The following ASIP variants were observed in gnomAD, a reference collection of about 807,000 sequenced individuals.
ASIP encodes agouti signaling protein.
Under a neutral mutation model 10.3 loss-of-function variants are expected in ASIP, and 11 were observed. That is an observed-to-expected ratio of 1.07 (90% CI 0.68 to 1.78). ASIP has a LOEUF of 1.78. Among genes scored for constraint, ASIP ranks in the 40% most tolerant of loss-of-function variants. ASIP has a pLI of 0.00. For synonymous variants in ASIP, 70 were observed against 70.8 expected (o/e 0.99, Z 0.06); for missense variants, 180 against 169.2 (o/e 1.06, Z -0.35).
At chr20:34,247,349 G>T (rs151181315) in intron 1 of ASIP, among the ~76,000 whole-genome samples, 1,747 of 146,616 alleles carry the variant, frequency 0.012, 27 homozygotes, top group African/African-American at 0.042. Context: ...TGCCCAGGCT[G>T]GAGTGCAATG....
intron 1 of ASIP, among the ~76,000 whole-genome samples, chr20:34,217,394 C>G (rs1167803948): frequency 6.6e-6 from 1 of 150,954 alleles, no homozygotes; most frequent in East Asian, 2.0e-4. Context: ...GCCGACATCT[C>G]GCCACTGCAC....
At position 34,268,975 on chromosome 20, in the gene ASIP, G is replaced by C; in HGVS notation, c.223-16G>C. Reference sequence around the variant, plus strand: ...GGGCGTGGCCGGCTCATAAAGCCCCGGCGTTTCCCACGCAGAAGGAGGCTT... The same window carrying C: ...GGGCGTGGCCGGCTCATAAAGCCCCCGCGTTTCCCACGCAGAAGGAGGCTT... On this transcript the variant is annotated splice_polypyrimidine_tract_variant and intron_variant, in intron 3 of 3. Coordinates refer to ENST00000374954, the MANE Select transcript of ASIP (RefSeq NM_001672.3). 1 of 1,592,680 alleles carries C rather than the reference G, an allele frequency of 6.3e-7. No individual in the cohort carries two copies. The highest frequency in any genetic ancestry group is 8.5e-7 in the Non-Finnish European group (1 of 1,170,056).
intron 1 of ASIP, among the ~76,000 whole-genome samples, chr20:34,213,029 C>T (rs1169272729): frequency 6.6e-6 from 1 of 152,182 alleles, no homozygotes; most frequent in Non-Finnish European, 1.5e-5. Context: ...CTCCAAAAGT[C>T]ACTTTAAACT....
rs1349467682 is a variant in ASIP, at chr20:34,235,866, A to AAGGAAAGGAAGG, written c.-10-24498_-10-24497insGGAAAGGAAGGA. 2.0e-3 allele frequency among the ~76,000 whole-genome samples: 75 copies of AAGGAAAGGAAGG among 36,892 alleles called. 4 individuals are homozygous for AAGGAAAGGAAGG. The highest frequency in any genetic ancestry group is 1.8e-3 in the Non-Finnish European group (44 of 24,076). The allele number at this position is 36,892 out of a possible 152,430, so 24.2% of individuals were successfully genotyped here. A position where few individuals can be genotyped will look rare whatever the true frequency, so the allele number is the denominator to read the frequency against. On this transcript the variant is annotated intron_variant, in intron 1 of 3. Coordinates refer to the ASIP transcript ENST00000568305. ...GAAGGAAGGAAGGAAGGAAGGAAGGAAAGGAAGGAAGGAAGGAAGGAAGGA... is the reference window on the plus strand; with the variant it reads ...GAAGGAAGGAAGGAAGGAAGGAAGGAAGGAAAGGAAGGAAGGAAGGAAGGAAGGAAGGAAGGA...
chr20:34,241,646 T>C (rs1249336130), intron 1 of ASIP, among the ~76,000 whole-genome samples, 157 bp downstream of exon 1: 5 of 152,204 alleles, frequency 3.3e-5, no homozygotes, highest in African/African-American at 1.2e-4. Context: ...AGGAGTTCAG[T>C]GTGAAGAAAG....
chr20:34,219,528 A>G (rs998468961), intron 1 of ASIP, among the ~76,000 whole-genome samples: 2 of 152,232 alleles, frequency 1.3e-5, no homozygotes, highest in East Asian at 3.8e-4. Flanking sequence ...TATTTAAACA[A>G]TTAGACTCTG....
At chr20:34,197,866 C>G (rs1215123677) in intron 1 of ASIP, among the ~76,000 whole-genome samples, 1 of 152,090 alleles carries the variant, frequency 6.6e-6, no homozygotes, top group Non-Finnish European at 1.5e-5. Flanking sequence ...AGACTTTAAT[C>G]TACATATTGA....
chr20:34,245,103 A>G (rs1175104774), intron 1 of ASIP, among the ~76,000 whole-genome samples: 2 of 152,192 alleles, frequency 1.3e-5, no homozygotes, highest in East Asian at 3.9e-4. Flanking sequence ...TGGGAGGCCA[A>G]GGTGGGCAAA....
At chr20:34,256,154 C>G (rs780070244) in intron 1 of ASIP, among the ~76,000 whole-genome samples, 7 of 152,274 alleles carry the variant, frequency 4.6e-5, no homozygotes, top group African/African-American at 1.7e-4. Context: ...TGTCCTCTCT[C>G]TCCGCCTCGG....
rs150809513 is a variant in ASIP at position 34,199,316 on chromosome 20, A to T, written c.-11+4556A>T. 3.4e-3 allele frequency among the ~76,000 whole-genome samples: 517 copies of T among 152,250 alleles called. 4 individuals are homozygous for T. The highest frequency in any genetic ancestry group is 0.011 in the African/African-American group (476 of 41,538). On this transcript the variant is annotated intron_variant, in intron 1 of 3. Transcript: ENST00000568305. ...CTGTGAATACTTTTTTTTTTTAAAG[A>T]ACATATGAGTGCATTTCTATCTAGA...
At chr20:34,246,073 C>T in intron 1 of ASIP, 2 of 881,662 alleles carry the variant, frequency 2.3e-6, no homozygotes, top group Non-Finnish European at 1.9e-6. Flanking sequence ...CTCCCCATTA[C>T]TGAGGCAGCA....
intron 1 of ASIP, among the ~76,000 whole-genome samples, chr20:34,251,014 T>C (rs2035466436): frequency 6.6e-6 from 1 of 152,170 alleles, no homozygotes; most frequent in African/African-American, 2.4e-5. Context: ...AGCATACATG[T>C]GTGCACGCAC....
chr20:34,247,463 G>A (rs1184527284), intron 1 of ASIP, among the ~76,000 whole-genome samples: 2 of 151,476 alleles, frequency 1.3e-5, no homozygotes, highest in African/African-American at 4.9e-5. Context: ...ACCACGCCCA[G>A]CTAATTTTTG....
At chr20:34,193,791 C>G (rs986362005), upstream of ASIP, among the ~76,000 whole-genome samples, 1 of 152,184 alleles carries the variant, frequency 6.6e-6, no homozygotes, top group Non-Finnish European at 1.5e-5. Context: ...ATCAGTCCAA[C>G]AAATAGCCAA....
At position 34,249,792 on chromosome 20, in the gene ASIP, G is replaced by C. The variant is rs1277531951; in HGVS notation, c.-11+8303G>C. Among the ~76,000 whole-genome samples the C allele has an allele frequency of 3.3e-5, 5 of 152,162 alleles. No individual in the cohort carries two copies. The East Asian group carries it at 9.6e-4, about 29-fold the overall frequency. ...ACATATGCAGAACATAAAGCAACTT[G>C]ATTCAGTTTTTCAGGGCCAGAGAAC... On this transcript the variant is annotated intron_variant, in intron 1 of 3. Coordinates refer to ENST00000374954, the MANE Select transcript of ASIP (RefSeq NM_001672.3).
chr20:34,196,210 C>T (rs1013451639), intron 1 of ASIP, among the ~76,000 whole-genome samples: 45 of 145,258 alleles, frequency 3.1e-4, no homozygotes, highest in Non-Finnish European at 5.7e-4. Flanking sequence ...GACGGAATCC[C>T]GCTGTGTCGC....
At chr20:34,192,041 C>CT (rs1019026781), upstream of ASIP, among the ~76,000 whole-genome samples, 31 of 148,942 alleles carry the variant, frequency 2.1e-4, no homozygotes, top group African/African-American at 7.4e-4. Context: ...TGATTTCTTT[C>CT]TTTTTTTTTC....
At chr20:34,194,426 G>A (rs888508030), upstream of ASIP, 1 of 151,328 alleles carries the variant, frequency 6.6e-6, no homozygotes, top group South Asian at 2.1e-4. Context: ...AGGTGTTTTT[G>A]CTGAATCCCT....
intron 1 of ASIP, among the ~76,000 whole-genome samples, chr20:34,212,187 A>G (rs1248215232): frequency 1.3e-5 from 2 of 152,162 alleles, no homozygotes; most frequent in Non-Finnish European, 2.9e-5. Context: ...CTAATAGATT[A>G]CTCTTTAAAC....
Sources: allele counts gnomAD v4.1 joint callset (sites outside exome capture counted in the v4.1 genomes callset), GRCh38; gene constraint gnomAD v4.1.1; transcripts MANE v1.5; gene names NCBI Gene and HGNC (gene_info 2026-07-23, HGNC 2026-07-21).